The following DPY19L2 variants were observed in gnomAD, a reference collection of about 807,000 sequenced individuals.
DPY19L2 encodes dpy-19 like 2, also known as probable C-mannosyltransferase DPY19L2.
DPY19L2 carries 34 observed loss-of-function variants against 97.9 expected under a neutral mutation model. The ratio of observed to expected loss-of-function variants is 0.35; its 90% CI spans 0.26 to 0.46. DPY19L2 has a LOEUF of 0.46. Among genes scored for constraint, DPY19L2 ranks in the 20% least tolerant of loss-of-function variants. DPY19L2 has a pLI of 1.00. For synonymous variants in DPY19L2, 230 were observed against 307.9 expected (o/e 0.75, Z 2.65); for missense variants, 623 against 911.4 (o/e 0.68, Z 4.07).
In DPY19L2 at chr12:63,640,369, G is replaced by A. The variant is rs571153103; in HGVS notation, c.803+4034C>T. On this transcript the variant is annotated intron_variant, in intron 6 of 21. Coordinates refer to ENST00000324472, the MANE Select transcript of DPY19L2 (RefSeq NM_173812.5). ...GTATAATAATAATAAAAAAAGATACGAGAGGATATTTTGAAGAAAAGCATT... is the reference window on the plus strand; with the variant it reads ...GTATAATAATAATAAAAAAAGATACAAGAGGATATTTTGAAGAAAAGCATT... Among the ~76,000 whole-genome samples the A allele has an allele frequency of 9.9e-5, 15 of 152,154 alleles. 1 individual carries two copies. The highest frequency in any genetic ancestry group is 4.6e-4 in the Admixed American group (7 of 15,280).
intron 13 of DPY19L2, 29 bp downstream of exon 13, chr12:63,600,277 C>T (rs1387280094): frequency 1.3e-6 from 2 of 1,556,596 alleles, no homozygotes; most frequent in East Asian, 2.3e-5. Context: ...TTTATAAGAA[C>T]TTTCATGTTT....
intron 12 of DPY19L2, among the ~76,000 whole-genome samples, chr12:63,607,546 G>A (rs1034274542): frequency 2.0e-5 from 3 of 152,112 alleles, no homozygotes; most frequent in African/African-American, 7.2e-5. Context: ...CCTCCAACAA[G>A]GAGAAAATAG....
chr12:63,655,364 C>CG (rs1210773352), intron 4 of DPY19L2, among the ~76,000 whole-genome samples: 2 of 152,106 alleles, frequency 1.3e-5, no homozygotes, highest in Non-Finnish European at 2.9e-5. Context: ...GTTGTGCTTA[C>CG]GTTGTATCCA....
At position 63,608,815 on chromosome 12, in the gene DPY19L2, T is replaced by C; in HGVS notation, c.1219-140A>G. ...AGCCATTTTCCTCCTTAACTGTTGA[T>C]TTTTCAAATTTTGGACAAATTTTGG... is the stretch of plus-strand genomic sequence containing the variant. On this transcript the variant is annotated intron_variant, in intron 11 of 21. Coordinates refer to ENST00000324472, the MANE Select transcript of DPY19L2 (RefSeq NM_173812.5). The C allele has an allele frequency of 1.5e-5, 12 of 779,144 alleles. No individual in the cohort carries two copies. The South Asian group carries it at 2.4e-4, about 15-fold the overall frequency. 48.3% of individuals were successfully genotyped at this position (779,144 alleles called of 1,614,324 possible). A position where few individuals can be genotyped will look rare whatever the true frequency, so the allele number is the denominator to read the frequency against.
intron 6 of DPY19L2, among the ~76,000 whole-genome samples, chr12:63,633,529 A>G (rs974984403): frequency 2.6e-5 from 4 of 152,158 alleles, no homozygotes; most frequent in Admixed American, 6.5e-5. Flanking sequence ...ATCTCACACC[A>G]GTTAGAATGG....
intron 11 of DPY19L2, among the ~76,000 whole-genome samples, chr12:63,611,030 C>A (rs1351780003): frequency 6.6e-6 from 1 of 151,778 alleles, no homozygotes; most frequent in Non-Finnish European, 1.5e-5. Context: ...CAATGAGATA[C>A]CACCTCAAAA....
At chr12:63,575,086 C>T (rs1048291858) in intron 19 of DPY19L2, among the ~76,000 whole-genome samples, 1 of 151,856 alleles carries the variant, frequency 6.6e-6, no homozygotes, top group African/African-American at 2.4e-5. Context: ...AGCCTTAAAA[C>T]ATTTTTTAAA....
At chr12:63,575,188 T>C (rs567611942) in intron 19 of DPY19L2, among the ~76,000 whole-genome samples, 2 of 151,958 alleles carry the variant, frequency 1.3e-5, no homozygotes, top group South Asian at 2.1e-4. Flanking sequence ...TCTACAAACA[T>C]ACAAATTAAA....
At chr12:63,657,043 G>C (rs1312914873) in intron 4 of DPY19L2, among the ~76,000 whole-genome samples, 3 of 152,018 alleles carry the variant, frequency 2.0e-5, no homozygotes, top group Non-Finnish European at 4.4e-5. Context: ...TGTCTCTTCG[G>C]ACTGTGCTTT....
rs202064990 is a variant in DPY19L2, at chr12:63,661,482, C to CT, written c.451-2dup. 31 of 1,543,982 alleles carry CT rather than the reference C, an allele frequency of 2.0e-5. No homozygotes were observed. The highest frequency in any genetic ancestry group is 2.6e-5 in the South Asian group (2 of 78,212). ...TCTTGAAGTATGAATAATAAAGTCC[C>CT]TTTTTTTAAAAAAAGACATATATTG... On this transcript the variant is annotated splice_acceptor_variant, in intron 3 of 21. Coordinates refer to ENST00000324472, the MANE Select transcript of DPY19L2 (RefSeq NM_173812.5). LOFTEE classifies it high-confidence loss of function.
Position 63,606,332 on chromosome 12 carries a change from A to G in DPY19L2, c.1278+2284T>C, listed in dbSNP as rs367904700. 2.2e-4 allele frequency among the ~76,000 whole-genome samples: 34 copies of G among 152,214 alleles called. No individual in the cohort carries two copies. In the South Asian group the frequency reaches 6.9e-3, roughly 31 times the overall value. Reference sequence around the variant, plus strand: ...ACATTTATCTTTATATTGATTTTAAACAGAACACTCTAAATACCTTATTAT... The same window carrying G: ...ACATTTATCTTTATATTGATTTTAAGCAGAACACTCTAAATACCTTATTAT... On this transcript the variant is annotated intron_variant, in intron 12 of 21. Transcript: ENST00000324472.
chr12:63,605,633 T>A (rs1381168034), intron 12 of DPY19L2, among the ~76,000 whole-genome samples: 1 of 152,098 alleles, frequency 6.6e-6, no homozygotes, highest in Non-Finnish European at 1.5e-5. Context: ...ACCATTGTCC[T>A]CTAAAAGGAA....
At chr12:63,605,765 A>C (rs768545136) in intron 12 of DPY19L2, among the ~76,000 whole-genome samples, 29 of 152,192 alleles carry the variant, frequency 1.9e-4, no homozygotes, top group Admixed American at 3.9e-4. Flanking sequence ...AACATTCAAA[A>C]TGGCTAGGCC....
intron 12 of DPY19L2, among the ~76,000 whole-genome samples, chr12:63,605,166 T>A (rs191007353): frequency 6.6e-6 from 1 of 152,278 alleles, no homozygotes; most frequent in Admixed American, 6.5e-5. Flanking sequence ...AAGAATGTAC[T>A]TCCCATGTCC....
At chr12:63,616,375 C>T (rs1186792789) in intron 11 of DPY19L2, among the ~76,000 whole-genome samples, 3 of 152,048 alleles carry the variant, frequency 2.0e-5, no homozygotes, top group Non-Finnish European at 2.9e-5. Flanking sequence ...AGCATTTTTT[C>T]TGGGAGAGAA....
chr12:63,655,627 C>G (rs2137536), intron 4 of DPY19L2, among the ~76,000 whole-genome samples: 1 of 151,750 alleles, frequency 6.6e-6, no homozygotes, highest in East Asian at 1.9e-4. Flanking sequence ...GCTCAAGGAC[C>G]ATATCAGGAT....
At chr12:63,641,855 C>T (rs1344706725) in intron 6 of DPY19L2, among the ~76,000 whole-genome samples, 3 of 152,072 alleles carry the variant, frequency 2.0e-5, no homozygotes, top group Non-Finnish European at 2.9e-5. Context: ...GTATCTATAT[C>T]TTGAATGTTA....
intron 6 of DPY19L2, 36 bp from the exon 7 acceptor site, chr12:63,626,562 T>C: frequency 4.6e-6 from 7 of 1,523,512 alleles, no homozygotes; most frequent in Non-Finnish European, 6.1e-6. Context: ...GAGAATACAA[T>C]CAAAATTCAT....
upstream of DPY19L2, chr12:63,668,805 T>G (rs1896639874): frequency 1.0e-5 from 2 of 194,022 alleles, no homozygotes; most frequent in East Asian, 2.9e-4. Flanking sequence ...CCAGCCCCAC[T>G]GGCGCAGAAC....
Sources: allele counts gnomAD v4.1 joint callset (sites outside exome capture counted in the v4.1 genomes callset), GRCh38; gene constraint gnomAD v4.1.1; transcripts MANE v1.5; gene names NCBI Gene and HGNC (gene_info 2026-07-23, HGNC 2026-07-21).